Variants in DHRSX observed in about 807,000 individuals in gnomAD.
The protein encoded by DHRSX is polyprenol dehydrogenase.
A neutral mutation model predicts 34.0 loss-of-function variants in DHRSX; 31 were observed. That is an observed-to-expected ratio of 0.91 (90% confidence interval 0.69 to 1.23). The LOEUF (loss-of-function observed/expected upper bound fraction) is 1.23. Ranked by LOEUF, DHRSX falls within the 50% of genes most tolerant of loss-of-function variation. DHRSX has a pLI of 0.00. For missense variants in DHRSX, 414 were observed against 428.1 expected (o/e 0.97, Z 0.29); for synonymous variants, 201 against 183.8 (o/e 1.09, Z -0.76).
rs1446802557 is a variant in DHRSX, at chrX:2,445,554, C to T, written c.110-20250G>A. ...ATCCTCACCCCCAAGGGACCGCTGC[C>T]GTGGGCACACTGAAGACTTTCCCTA... On this transcript the variant is annotated intron_variant, in intron 1 of 6. Transcript: ENST00000334651. 2.0e-5 allele frequency among the ~76,000 whole-genome samples: 3 copies of T among 151,890 alleles called. No individual in the cohort carries two copies. In the East Asian group the frequency reaches 5.8e-4, roughly 29 times the overall value.
intron 1 of DHRSX, chrX:2,489,148 G>C (rs149923435): frequency 3.1e-6 from 5 of 1,613,406 alleles, no homozygotes; most frequent in Non-Finnish European, 4.2e-6. Flanking sequence ...GAGGCTCCTC[G>C]GGCACCGGGA....
chrX:2,387,787 ATAGT>A (rs1273203374), intron 3 of DHRSX, among the ~76,000 whole-genome samples: 5 of 151,498 alleles, frequency 3.3e-5, no homozygotes, highest in South Asian at 2.1e-4. Context: ...TACAGAGGAA[ATAGT>A]TAGGACCTCA....
At chrX:2,387,873 AT>A (rs1181617702) in intron 3 of DHRSX, among the ~76,000 whole-genome samples, 159 of 112,698 alleles carry the variant, frequency 1.4e-3, no homozygotes, top group African/African-American at 5.1e-3. Context: ...AAAAAAAAAA[AT>A]TCCCTACTCT....
chrX:2,403,036 C>T (rs914299838), intron 3 of DHRSX, among the ~76,000 whole-genome samples: 6 of 152,010 alleles, frequency 3.9e-5, no homozygotes, highest in African/African-American at 1.4e-4. Context: ...GTGTGCACCA[C>T]CACGCCCGGC....
intron 1 of DHRSX, among the ~76,000 whole-genome samples, chrX:2,481,793 A>C: frequency 6.7e-6 from 1 of 150,098 alleles, no homozygotes; most frequent in Non-Finnish European, 1.5e-5. Flanking sequence ...CCTGCTCAGG[A>C]GGGTTGGTGA....
intron 5 of DHRSX, among the ~76,000 whole-genome samples, chrX:2,257,719 G>A (rs1232456157): frequency 2.6e-5 from 4 of 152,006 alleles, no homozygotes; most frequent in African/African-American, 9.7e-5. Flanking sequence ...TCCGCCTCCC[G>A]GGTTCAAGCG....
intron 1 of DHRSX, among the ~76,000 whole-genome samples, chrX:2,442,037 G>A (rs2124667502): frequency 6.6e-6 from 1 of 152,268 alleles, no homozygotes; most frequent in East Asian, 1.9e-4. Flanking sequence ...TCATGCCACT[G>A]TCAATCAACA....
In DHRSX at chrX:2,291,621, C is replaced by G. The variant is rs1165159020; in HGVS notation, c.287-18G>C. On this transcript the variant is annotated intron_variant, in intron 3 of 6. Transcript: ENST00000334651. The stretch of plus-strand genomic sequence containing the variant: ...AAATTCCACTGGAAAAGGACAACAA[C>G]AAAAAATACCTGGTTATCTCCCAAC... 6.3e-7 allele frequency: 1 copy of G among 1,576,620 alleles called. No individual in the cohort carries two copies. Among genetic ancestry groups the G allele is most frequent in the Non-Finnish European group, 8.7e-7 (1 of 1,147,100 alleles).
At chrX:2,267,873 A>G (rs1319914521) in intron 4 of DHRSX, among the ~76,000 whole-genome samples, 1 of 151,850 alleles carries the variant, frequency 6.6e-6, no homozygotes, top group African/African-American at 2.4e-5. Flanking sequence ...TTTGAGCCCA[A>G]GAGGTGGAGG....
chrX:2,412,997 C>T (rs1226165959), intron 2 of DHRSX, among the ~76,000 whole-genome samples: 2 of 152,128 alleles, frequency 1.3e-5, no homozygotes, highest in East Asian at 3.9e-4. Flanking sequence ...GAGATCGAGA[C>T]CATCCTGGCC....
At chrX:2,307,484 G>T (rs189451111) in intron 3 of DHRSX, among the ~76,000 whole-genome samples, 1 of 151,744 alleles carries the variant, frequency 6.6e-6, no homozygotes, top group Non-Finnish European at 1.5e-5. Flanking sequence ...AAACAAGGCC[G>T]GGGGGTGGGT....
intron 1 of DHRSX, among the ~76,000 whole-genome samples, chrX:2,450,560 CAT>C (rs1249706445): frequency 6.6e-6 from 1 of 151,972 alleles, no homozygotes; most frequent in Non-Finnish European, 1.5e-5. Flanking sequence ...ACAAAAGTTA[CAT>C]GTCAGAAAAA....
chrX:2,243,799 T>TTTTTTGTTTTG (rs2016208971), intron 5 of DHRSX, among the ~76,000 whole-genome samples: 2 of 23,344 alleles, frequency 8.6e-5, no homozygotes, highest in Admixed American at 5.6e-4. Context: ...TTTTTTTTTT[T>TTTTTTGTTTTG]TTTTTTTTTT....
At chrX:2,445,475 G>A (rs2044118309) in intron 1 of DHRSX, among the ~76,000 whole-genome samples, 1 of 151,792 alleles carries the variant, frequency 6.6e-6, no homozygotes, top group African/African-American at 2.4e-5. Context: ...TTTAAAGAAT[G>A]GTATTTGCTA....
chrX:2,343,237 G>C (rs1468709080), intron 3 of DHRSX, among the ~76,000 whole-genome samples: 1 of 152,140 alleles, frequency 6.6e-6, no homozygotes, highest in Non-Finnish European at 1.5e-5. Context: ...GTCTATAAGA[G>C]AGAAGAGCTC....
chrX:2,304,069 ATGGATGGATGGG>A (rs1569485821), intron 3 of DHRSX, among the ~76,000 whole-genome samples: 67 of 122,480 alleles, frequency 5.5e-4, no homozygotes, highest in South Asian at 1.5e-3. Flanking sequence ...GGATGGGTGG[ATGGATGGATGGG>A]TGGGTGGGTG....
chrX:2,456,757 G>A (rs906409839), intron 1 of DHRSX, among the ~76,000 whole-genome samples: 11 of 151,992 alleles, frequency 7.2e-5, no homozygotes, highest in African/African-American at 1.9e-4. Context: ...AAGTCTACAC[G>A]AATATAAAGA....
chrX:2,367,628 A>G (rs2043009813), intron 3 of DHRSX, among the ~76,000 whole-genome samples: 1 of 152,214 alleles, frequency 6.6e-6, no homozygotes, highest in Non-Finnish European at 1.5e-5. Flanking sequence ...CCTAAGTTAT[A>G]AAGTCATTTT....
intron 1 of DHRSX, among the ~76,000 whole-genome samples, chrX:2,461,062 GT>G (rs2044396004): frequency 1.3e-5 from 2 of 152,170 alleles, no homozygotes; most frequent in South Asian, 4.2e-4. Context: ...ATTCTTTGCA[GT>G]TTTTCCCCCA....
Sources: allele counts gnomAD v4.1 joint callset (sites outside exome capture counted in the v4.1 genomes callset), GRCh38; gene constraint gnomAD v4.1.1; transcripts MANE v1.5; gene names NCBI Gene and HGNC (gene_info 2026-07-23, HGNC 2026-07-21).